Variants in CASK observed in about 807,000 individuals in gnomAD.
The protein encoded by CASK is peripheral plasma membrane protein CASK.
In CASK, 4 loss-of-function variants were observed where a neutral mutation model predicts 82.9. The observed-to-expected ratio is 0.05, with a 90% confidence interval of 0.02 to 0.11. The LOEUF (loss-of-function observed/expected upper bound fraction) is 0.11. Ranked by LOEUF, CASK falls within the 10% of genes least tolerant of loss-of-function variation. The pLI, the probability that CASK is intolerant of heterozygous loss-of-function variation, is 1.00. For synonymous variants in CASK, 259 were observed against 253.5 expected, an observed-to-expected ratio of 1.02 and a Z score of -0.20; for missense variants, 358 against 720.9, an observed-to-expected ratio of 0.50 and a Z score of 5.76.
At chrX:41,554,677 A>G (rs2065139562) in intron 20 of CASK, among the ~76,000 whole-genome samples, 1 of 111,764 alleles carries the variant, frequency 8.9e-6, no homozygotes, top group African/African-American at 3.2e-5. Flanking sequence ...TCAAGGGTTT[A>G]TTATATGGCA....
chrX:41,770,832 C>T (rs886667345), intron 3 of CASK, among the ~76,000 whole-genome samples: 40 of 109,506 alleles, frequency 3.7e-4, no homozygotes, highest in Admixed American at 1.1e-3. Flanking sequence ...ACAGAAGAAA[C>T]AAAAAGACCA....
chrX:41,789,754 C>T (rs1230753295), intron 2 of CASK, among the ~76,000 whole-genome samples: 1 of 111,388 alleles, frequency 9.0e-6, no homozygotes, highest in Non-Finnish European at 1.9e-5. Context: ...CTTCTGTTTT[C>T]GACTTAAGTT....
At chrX:41,835,032 G>C (rs916429093) in intron 2 of CASK, among the ~76,000 whole-genome samples, 1 of 111,763 alleles carries the variant, frequency 8.9e-6, no homozygotes, top group African/African-American at 3.3e-5. Context: ...CCAAATTCCT[G>C]TCTTTATCTA....
chrX:41,873,543 T>C (rs1366471468), intron 1 of CASK, among the ~76,000 whole-genome samples: 1 of 111,325 alleles, frequency 9.0e-6, no homozygotes, highest in Non-Finnish European at 1.9e-5. Context: ...TGAGTTCCAC[T>C]GCACATTCCT....
intron 8 of CASK, among the ~76,000 whole-genome samples, chrX:41,649,994 A>G (rs865816128): frequency 6.8e-4 from 75 of 110,565 alleles, no homozygotes; most frequent in Non-Finnish European, 1.2e-3. Context: ...TGATCCCTTT[A>G]CCATTATGTA....
intron 5 of CASK, chrX:41,727,354 T>C (rs2068279655): frequency 8.3e-7 from 1 of 1,206,012 alleles, no homozygotes. Context: ...TCTCTTAATT[T>C]TAAGTTGGAT....
At position 41,534,677 on chromosome X, in the gene CASK, T is replaced by C. The variant is rs765331588; in HGVS notation, c.2317+29A>G. On this transcript the variant is annotated intron_variant, in intron 24 of 26. Transcript: ENST00000378163. ...AGTTAAAAAAGTGATAGGAAAAATA[T>C]AATGAAAAGAGATTGAGACATTGCT... 7 of 1,096,807 alleles carry C rather than the reference T, an allele frequency of 6.4e-6. No individual in the cohort carries two copies. The East Asian group carries it at 1.5e-4, about 23-fold the overall frequency. The allele number at this position is 1,096,807 out of a possible 1,213,427, so 90.4% of individuals were successfully genotyped here. A position where few individuals can be genotyped will look rare whatever the true frequency, so the allele number is the denominator to read the frequency against.
intron 2 of CASK, among the ~76,000 whole-genome samples, chrX:41,837,240 A>T (rs1359489627): frequency 1.8e-5 from 2 of 112,189 alleles, no homozygotes; most frequent in African/African-American, 6.5e-5. Flanking sequence ...TTTCCCCCAT[A>T]GTAGCATATA....
intron 2 of CASK, among the ~76,000 whole-genome samples, chrX:41,795,000 A>G (rs976521464): frequency 8.9e-6 from 1 of 112,340 alleles, no homozygotes; most frequent in Non-Finnish European, 1.9e-5. Context: ...AGCAGGGCCA[A>G]AACTTTTCCC....
chrX:41,644,377 T>G (rs1472811017), intron 8 of CASK, among the ~76,000 whole-genome samples: 1 of 112,334 alleles, frequency 8.9e-6, no homozygotes, highest in East Asian at 2.8e-4. Flanking sequence ...TAAACATAAA[T>G]TGTAAAGATT....
chrX:41,656,815 C>CTTT (rs2066948841), intron 8 of CASK, among the ~76,000 whole-genome samples: 1 of 111,063 alleles, frequency 9.0e-6, no homozygotes, highest in African/African-American at 3.3e-5. Flanking sequence ...TTTTTTCTTT[C>CTTT]CTTCTTTCCC....
chrX:41,589,010 C>T (rs1171340136), intron 13 of CASK, among the ~76,000 whole-genome samples: 1 of 111,935 alleles, frequency 8.9e-6, no homozygotes, highest in African/African-American at 3.2e-5. Flanking sequence ...GATTATGGAT[C>T]TATTTTTATT....
At chrX:41,907,296 A>G (rs2072485393) in intron 1 of CASK, among the ~76,000 whole-genome samples, 1 of 112,249 alleles carries the variant, frequency 8.9e-6, no homozygotes, top group Admixed American at 9.4e-5. Flanking sequence ...CACAACTGCA[A>G]AAACAACACT....
At chrX:41,898,837 A>T (rs2072317828) in intron 1 of CASK, among the ~76,000 whole-genome samples, 1 of 111,951 alleles carries the variant, frequency 8.9e-6, no homozygotes, top group African/African-American at 3.2e-5. Flanking sequence ...CTTGTTTTGT[A>T]GCCTAACATA....
At chrX:41,911,328 T>C (rs2072561849) in intron 1 of CASK, among the ~76,000 whole-genome samples, 1 of 111,884 alleles carries the variant, frequency 8.9e-6, no homozygotes, top group Non-Finnish European at 1.9e-5. Context: ...AATAATACTG[T>C]CCAAGGATTT....
intron 5 of CASK, among the ~76,000 whole-genome samples, chrX:41,678,532 T>A (rs2067303980): frequency 8.9e-6 from 1 of 112,003 alleles, no homozygotes; most frequent in South Asian, 3.7e-4. Flanking sequence ...ATATCTATTG[T>A]ATTGCAACAG....
intron 8 of CASK, chrX:41,660,044 T>A: frequency 6.0e-6 from 1 of 166,275 alleles, no homozygotes. Flanking sequence ...AGAAAATTTA[T>A]ACCTAGTATC....
intron 16 of CASK, among the ~76,000 whole-genome samples, chrX:41,568,081 G>T (rs1424485560): frequency 1.2e-5 from 1 of 83,197 alleles, no homozygotes; most frequent in African/African-American, 4.8e-5. Context: ...ACACACTGGG[G>T]CCTGTCAGGG....
intron 1 of CASK, among the ~76,000 whole-genome samples, chrX:41,910,300 A>C (rs905705026): frequency 9.0e-6 from 1 of 111,525 alleles, no homozygotes; most frequent in Admixed American, 9.4e-5. Flanking sequence ...GAATTATGTA[A>C]TTTTATGTGC....
Sources: allele counts gnomAD v4.1 joint callset (sites outside exome capture counted in the v4.1 genomes callset), GRCh38; gene constraint gnomAD v4.1.1; transcripts MANE v1.5; gene names NCBI Gene and HGNC (gene_info 2026-07-23, HGNC 2026-07-21).